B3GLCT: variants seen among roughly 807,000 people sequenced by gnomAD.
B3GLCT encodes the protein beta 3-glucosyltransferase.
In B3GLCT, 65 loss-of-function variants were observed where a neutral mutation model predicts 63.4. The ratio of observed to expected loss-of-function variants is 1.03; its 90% CI spans 0.84 to 1.26. The LOEUF is 1.26. Among genes scored for constraint, B3GLCT ranks in the 50% most tolerant of loss-of-function variants. The pLI, the probability that B3GLCT is intolerant of heterozygous loss-of-function variation, is 0.00. For missense variants in B3GLCT, 577 were observed against 604.8 expected (o/e 0.95, Z 0.48); for synonymous variants, 233 against 219.2 (o/e 1.06, Z -0.55).
chr13:31,269,643 G>A (rs1924819), intron 8 of B3GLCT, among the ~76,000 whole-genome samples: 1 of 136,704 alleles, frequency 7.3e-6, no homozygotes, highest in African/African-American at 3.1e-5. Flanking sequence ...TCATGTCCCC[G>A]CCCCCCTAAT....
At chr13:31,272,085 C>T (rs145013286) in intron 8 of B3GLCT, among the ~76,000 whole-genome samples, 161 of 152,080 alleles carry the variant, frequency 1.1e-3, no homozygotes, top group African/African-American at 3.7e-3. Flanking sequence ...CATGCCTTTT[C>T]CCCCCACCCT....
At chr13:31,253,618 A>C (rs201935205) in intron 6 of B3GLCT, among the ~76,000 whole-genome samples, 1,283 of 82,300 alleles carry the variant, frequency 0.016, 179 homozygotes, top group African/African-American at 0.042. Context: ...AAAAAAAAAA[A>C]AAACTAGAGA....
intron 13 of B3GLCT, among the ~76,000 whole-genome samples, chr13:31,317,886 A>G (rs936747493): frequency 6.6e-6 from 1 of 152,106 alleles, no homozygotes; most frequent in Non-Finnish European, 1.5e-5. Context: ...CCTTGAAGAA[A>G]TGATATAAAA....
chr13:31,248,360 G>A (rs1040854395), intron 6 of B3GLCT, among the ~76,000 whole-genome samples: 1 of 152,202 alleles, frequency 6.6e-6, no homozygotes, highest in Non-Finnish European at 1.5e-5. Context: ...ACTGAGCACT[G>A]TGGATGGCGG....
chr13:31,324,049 C>A (rs1047709674), intron 14 of B3GLCT, among the ~76,000 whole-genome samples, 154 bp downstream of exon 14: 1 of 152,152 alleles, frequency 6.6e-6, no homozygotes, highest in African/African-American at 2.4e-5. Context: ...GGACTGTTAC[C>A]CTGTTTGATG....
At chr13:31,224,644 T>A (rs1869999719) in intron 3 of B3GLCT, among the ~76,000 whole-genome samples, 1 of 152,148 alleles carries the variant, frequency 6.6e-6, no homozygotes, top group African/African-American at 2.4e-5. Context: ...CTCCTTCAGC[T>A]TGCTGCCTAA....
chr13:31,289,036 A>C (rs1242864989), intron 12 of B3GLCT, among the ~76,000 whole-genome samples: 1 of 152,156 alleles, frequency 6.6e-6, no homozygotes, highest in Non-Finnish European at 1.5e-5. Context: ...TACCAAGGAA[A>C]TAGATATCTT....
intron 2 of B3GLCT, among the ~76,000 whole-genome samples, chr13:31,218,065 G>T (rs1252105585): frequency 6.6e-6 from 1 of 151,886 alleles, no homozygotes; most frequent in Non-Finnish European, 1.5e-5. Flanking sequence ...CATGAACAAG[G>T]AATGTTTTTC....
At chr13:31,214,399 T>C (rs1869447757) in intron 1 of B3GLCT, among the ~76,000 whole-genome samples, 1 of 152,258 alleles carries the variant, frequency 6.6e-6, no homozygotes, top group Non-Finnish European at 1.5e-5. Flanking sequence ...ATGCAGAGCC[T>C]AAATGTGGCT....
chr13:31,326,275 CTTTTT>C (rs11415456), intron 14 of B3GLCT, among the ~76,000 whole-genome samples: 3 of 75,866 alleles, frequency 4.0e-5, no homozygotes, highest in Non-Finnish European at 6.9e-5. Flanking sequence ...AGGTCTTTCC[CTTTTT>C]TTTTTTTTTT....
chr13:31,223,821 CAG>C (rs1422658586), intron 3 of B3GLCT, among the ~76,000 whole-genome samples: 5 of 152,074 alleles, frequency 3.3e-5, no homozygotes, highest in Non-Finnish European at 7.4e-5. Context: ...CCTATGGTGT[CAG>C]GGGGTATGCG....
At position 31,274,583 on chromosome 13, in the gene B3GLCT, G is replaced by A. The variant is rs772592675; in HGVS notation, c.735G>A (p.Val245=). The change falls in exon 9 of 15, where the codon GTG becomes GTA. Residue 245 remains valine (V), a synonymous_variant. Transcript: ENST00000343307. ...TPVPEFCTND[V]DFYCATTFHS... is the part of the protein sequence containing the mutation. ...TGCCTGAGTTTTGTACCAATGACGT[G>A]GACTTCTACTGTGCTACCACATTCC... 1 of 1,614,012 alleles carries A rather than the reference G, an allele frequency of 6.2e-7. No individual in the cohort carries two copies. The highest frequency in any genetic ancestry group is 1.3e-5 in the African/African-American group (1 of 74,892).
Position 31,269,149 on chromosome 13 carries a change from G to T in B3GLCT, c.597-65G>T, listed in dbSNP as rs1339684297. Reference sequence around the variant, plus strand: ...GTTTTCAAACACTAGAAAGTCTCAAGAATGTGTTAGTCTTGCTTGACACTT... The same window carrying T: ...GTTTTCAAACACTAGAAAGTCTCAATAATGTGTTAGTCTTGCTTGACACTT... On this transcript the variant is annotated intron_variant, in intron 7 of 14. Coordinates refer to ENST00000343307, the MANE Select transcript of B3GLCT (RefSeq NM_194318.4). The T allele has an allele frequency of 4.8e-6, 5 of 1,052,318 alleles. No homozygotes were observed. In the Admixed American group the frequency reaches 6.9e-5, roughly 15 times the overall value. The allele number at this position is 1,052,318 out of a possible 1,614,324, so 65.2% of individuals were successfully genotyped here.
intron 12 of B3GLCT, among the ~76,000 whole-genome samples, chr13:31,313,854 G>A (rs1462237688): frequency 6.6e-6 from 1 of 152,100 alleles, no homozygotes; most frequent in African/African-American, 2.4e-5. Context: ...AGAGGCCCAG[G>A]AGGAAAAAGT....
At chr13:31,285,822 G>T (rs184961943) in intron 11 of B3GLCT, among the ~76,000 whole-genome samples, 153 of 152,072 alleles carry the variant, frequency 1.0e-3, no homozygotes, top group Non-Finnish European at 1.4e-3. Flanking sequence ...ATTTTAGATT[G>T]GGTTTAATAA....
At chr13:31,245,964 A>G (rs1004435442) in intron 4 of B3GLCT, among the ~76,000 whole-genome samples, 1 of 152,290 alleles carries the variant, frequency 6.6e-6, no homozygotes, top group Non-Finnish European at 1.5e-5. Context: ...ATATTTCTAC[A>G]TGGAAGTTGA....
At chr13:31,279,811 C>G (rs9543430) in intron 10 of B3GLCT, among the ~76,000 whole-genome samples, 32,798 of 152,050 alleles carry the variant, frequency 0.22, 3,540 homozygotes, top group Non-Finnish European at 0.22. Context: ...CATCCCTTAT[C>G]AACGACCATA....
intron 12 of B3GLCT, among the ~76,000 whole-genome samples, chr13:31,293,979 G>A (rs1308766527): frequency 6.6e-6 from 1 of 152,162 alleles, no homozygotes; most frequent in East Asian, 1.9e-4. Context: ...GCTTCCTTCA[G>A]GAGCTCTTGT....
chr13:31,275,883 T>C (rs930884670), intron 9 of B3GLCT, among the ~76,000 whole-genome samples: 9 of 152,156 alleles, frequency 5.9e-5, no homozygotes, highest in African/African-American at 2.2e-4. Context: ...GACCAGTCTT[T>C]CTAGGCAGAA....
Sources: allele counts gnomAD v4.1 joint callset (sites outside exome capture counted in the v4.1 genomes callset), GRCh38; gene constraint gnomAD v4.1.1; transcripts MANE v1.5; gene names NCBI Gene and HGNC (gene_info 2026-07-23, HGNC 2026-07-21).